Variants in CACNA2D1 observed in about 807,000 individuals in gnomAD.
CACNA2D1 encodes the protein voltage-dependent calcium channel subunit alpha-2/delta-1.
CACNA2D1 carries 53 observed loss-of-function variants against 171.5 expected under a neutral mutation model. That is an observed-to-expected ratio of 0.31 (90% CI 0.25 to 0.39). The LOEUF is 0.39. CACNA2D1 is among the 10% of genes least tolerant of loss of function. The pLI is 1.00. For missense variants in CACNA2D1, 903 were observed against 1,299.8 expected (o/e 0.69, Z 4.69); for synonymous variants, 442 against 443.1 (o/e 1.00, Z 0.03).
intron 1 of CACNA2D1, among the ~76,000 whole-genome samples, chr7:82,393,031 GAGGAAGGAAGGAAGGAAGGAAGGA>G (rs552898545): frequency 1.3e-5 from 1 of 75,836 alleles, no homozygotes; most frequent in Non-Finnish European, 2.5e-5. Flanking sequence ...GACAGAGAGA[GAGGAAGGAAGGAAGGAAGGAAGGA>G]AGGAAGGAAG....
intron 24 of CACNA2D1, among the ~76,000 whole-genome samples, chr7:81,978,770 T>TATAC (rs772536703): frequency 0.09 from 12,988 of 143,784 alleles, 719 homozygotes; most frequent in African/African-American, 0.16. Flanking sequence ...TATATATATA[T>TATAC]ACACACACAC....
chr7:81,964,586 GAA>G (rs1268823471), intron 32 of CACNA2D1, among the ~76,000 whole-genome samples: 2 of 151,898 alleles, frequency 1.3e-5, no homozygotes, highest in East Asian at 3.9e-4. Context: ...TTTATTTGTG[GAA>G]AGAATGGACA....
chr7:82,332,501 A>G (rs1188869485), intron 3 of CACNA2D1, among the ~76,000 whole-genome samples: 4 of 114,502 alleles, frequency 3.5e-5, no homozygotes, highest in Non-Finnish European at 7.6e-5. Flanking sequence ...TAGAAATAAA[A>G]AAGAAATATA....
chr7:82,243,467 C>T (rs1041532064), intron 3 of CACNA2D1, among the ~76,000 whole-genome samples: 5 of 152,050 alleles, frequency 3.3e-5, no homozygotes, highest in African/African-American at 1.2e-4. Context: ...CAATTATACC[C>T]GAGTAACTAT....
chr7:82,076,499 T>C lies in CACNA2D1; in HGVS notation c.658+8270A>G, dbSNP rs571834616. ...AAAAAATGATACTCAACTGACACTCTACATCAGTCATTAAATTCATGTTTT... is the reference window on the plus strand; with the variant it reads ...AAAAAATGATACTCAACTGACACTCCACATCAGTCATTAAATTCATGTTTT... On this transcript the variant is annotated intron_variant, in intron 7 of 38. Coordinates refer to ENST00000356860, the MANE Select transcript of CACNA2D1 (RefSeq NM_000722.4). Among the ~76,000 whole-genome samples, 35 of 152,278 alleles carry C rather than the reference T, an allele frequency of 2.3e-4. No homozygotes were observed. In the East Asian group the frequency reaches 6.8e-3, roughly 29 times the overall value.
chr7:82,400,276 T>C (rs976010063), intron 1 of CACNA2D1, among the ~76,000 whole-genome samples: 1 of 151,736 alleles, frequency 6.6e-6, no homozygotes, highest in Non-Finnish European at 1.5e-5. Flanking sequence ...GCATTGAATC[T>C]GTAAATTACC....
intron 3 of CACNA2D1, among the ~76,000 whole-genome samples, chr7:82,242,960 G>C (rs566528959): frequency 1.4e-4 from 21 of 152,156 alleles, no homozygotes; most frequent in African/African-American, 4.8e-4. Context: ...AGTTTATCTT[G>C]TTTTAAAACC....
intron 5 of CACNA2D1, among the ~76,000 whole-genome samples, chr7:82,117,444 G>T (rs948369149): frequency 1.1e-4 from 17 of 152,168 alleles, no homozygotes; most frequent in Admixed American, 2.6e-4. Context: ...TGGGGGACGA[G>T]GGAGACCAGA....
At chr7:82,032,717 C>T in intron 12 of CACNA2D1, 80 bp downstream of exon 12, 2 of 725,426 alleles carry the variant, frequency 2.8e-6, no homozygotes, top group Non-Finnish European at 4.6e-6. Flanking sequence ...AAAATTCTCC[C>T]CTCACTACCA....
chr7:82,232,861 CAAAAAAAAAAAAAAAAAAAAA>C (rs71093370), intron 3 of CACNA2D1, among the ~76,000 whole-genome samples: 1 of 52,412 alleles, frequency 1.9e-5, no homozygotes, highest in African/African-American at 6.6e-5. Flanking sequence ...GAGATGTCTC[CAAAAAAAAAAAAAAAAAAAAA>C]AAAAAAAAAA....
chr7:82,153,184 A>T (rs1441022224), intron 4 of CACNA2D1, among the ~76,000 whole-genome samples: 1 of 151,496 alleles, frequency 6.6e-6, no homozygotes, highest in Non-Finnish European at 1.5e-5. Flanking sequence ...CAGCATTTTA[A>T]GTGATCCTTA....
intron 3 of CACNA2D1, among the ~76,000 whole-genome samples, chr7:82,239,317 A>T (rs1169905707): frequency 6.6e-6 from 1 of 152,052 alleles, no homozygotes; most frequent in African/African-American, 2.4e-5. Flanking sequence ...GTTCTAAAAA[A>T]AAAAAAATCA....
chr7:81,967,100 A>G (rs1458385167), intron 31 of CACNA2D1, 69 bp downstream of exon 31: 1 of 1,148,028 alleles, frequency 8.7e-7, no homozygotes, highest in Non-Finnish European at 1.3e-6. Flanking sequence ...TTTTTTCATC[A>G]CTATAGTCTT....
At chr7:82,063,757 A>T (rs1807247344) in intron 9 of CACNA2D1, among the ~76,000 whole-genome samples, 1 of 152,140 alleles carries the variant, frequency 6.6e-6, no homozygotes, top group Admixed American at 6.6e-5. Flanking sequence ...ACACTTGCAA[A>T]CATACACATA....
chr7:82,379,430 A>C (rs1823433739), intron 1 of CACNA2D1, among the ~76,000 whole-genome samples: 1 of 152,240 alleles, frequency 6.6e-6, no homozygotes, highest in Non-Finnish European at 1.5e-5. Flanking sequence ...GAAATATTTT[A>C]ACAAATACAA....
At chr7:82,163,265 T>G (rs1248260911) in intron 4 of CACNA2D1, among the ~76,000 whole-genome samples, 3 of 152,040 alleles carry the variant, frequency 2.0e-5, no homozygotes, top group African/African-American at 2.4e-5. Flanking sequence ...TTTCCAAAAT[T>G]TTAGGCATAT....
intron 19 of CACNA2D1, among the ~76,000 whole-genome samples, chr7:81,995,798 C>CAAAAAAAAAA (rs59979323): frequency 1.2e-4 from 12 of 101,540 alleles, no homozygotes; most frequent in African/African-American, 3.8e-4. Context: ...GACTCCACCT[C>CAAAAAAAAAA]AAAAAAAAAA....
chr7:82,336,384 T>C (rs1818003528), intron 2 of CACNA2D1, among the ~76,000 whole-genome samples: 1 of 152,222 alleles, frequency 6.6e-6, no homozygotes, highest in Non-Finnish European at 1.5e-5. Context: ...TTATTTGAAA[T>C]AAAAATTAAT....
intron 1 of CACNA2D1, among the ~76,000 whole-genome samples, chr7:82,397,712 A>T (rs1266498931): frequency 6.6e-6 from 1 of 152,256 alleles, no homozygotes; most frequent in East Asian, 1.9e-4. Context: ...TTGCCATATT[A>T]ACGAATGTGC....
Sources: gnomAD v4.1 joint callset for allele counts (sites outside exome capture counted in the v4.1 genomes callset) on GRCh38, gnomAD v4.1.1 for gene constraint, MANE v1.5 for transcripts, NCBI Gene and HGNC (gene_info 2026-07-23, HGNC 2026-07-21) for gene names.